Variants in OTX1 observed in about 807,000 individuals in gnomAD.
OTX1 encodes the protein orthodenticle homeobox 1.
A neutral mutation model predicts 26.7 loss-of-function variants in OTX1; 7 were observed. The observed-to-expected ratio is 0.26, with a 90% CI of 0.15 to 0.49. The LOEUF is 0.49. Among genes scored for constraint, OTX1 ranks in the 20% least tolerant of loss-of-function variants. OTX1 has a pLI of 0.98. For synonymous variants in OTX1, 216 were observed against 212.8 expected (o/e 1.01, Z -0.13); for missense variants, 414 against 483.8 (o/e 0.86, Z 1.35).
At chr2:63,053,300 A>C in intron 3 of OTX1, 2 of 437,386 alleles carry the variant, frequency 4.6e-6, no homozygotes, top group East Asian at 3.7e-5. Flanking sequence ...AACGCGCAAT[A>C]TGCGCCTTCC....
upstream of OTX1, chr2:63,049,936 A>C (rs1017674273): frequency 6.6e-6 from 1 of 152,280 alleles, no homozygotes. This position sits in a 1 kb window ranked among gnomAD's most constrained non-coding sequence, Gnocchi z 4.8. Flanking sequence ...GTCTGTGGCC[A>C]CATTTTCCAT....
rs554105654 is a variant in OTX1, at chr2:63,055,465, C to A, written c.250-36C>A. ...GTGGAGCAACAAGCTCCCCTAGCTC[C>A]CTTTGACCCACTCTCCCCCATCCGG... On this transcript the variant is annotated intron_variant, in intron 4 of 4. Transcript: ENST00000282549. The surrounding 1 kb of genome is among the most constrained non-coding windows in gnomAD (Gnocchi z 5.2). 8.7e-5 allele frequency: 138 copies of A among 1,588,210 alleles called. No individual in the cohort carries two copies. In the South Asian group the frequency reaches 1.5e-3, roughly 17 times the overall value.
At chr2:63,054,337 C>T in intron 4 of OTX1, 139 bp downstream of exon 4, 2 of 805,980 alleles carry the variant, frequency 2.5e-6, no homozygotes, top group Non-Finnish European at 3.5e-6. Flanking sequence ...CTCTCGGACT[C>T]CCCCTAGCGC....
At position 63,054,040 on chromosome 2, in the gene OTX1, C is replaced by T. The variant is rs1387337935; in HGVS notation, c.98-7C>T. On this transcript the variant is annotated splice_region_variant and splice_polypyrimidine_tract_variant and intron_variant, in intron 3 of 4. Coordinates refer to ENST00000282549, the MANE Select transcript of OTX1 (RefSeq NM_014562.4). ...ATGACCCGCGGCGCCCCCGCGTGTCCCCGCAGCCACTCCGCGGAAGCAGCG... is the reference window on the plus strand; with the variant it reads ...ATGACCCGCGGCGCCCCCGCGTGTCTCCGCAGCCACTCCGCGGAAGCAGCG... 6.2e-7 allele frequency: 1 copy of T among 1,608,204 alleles called. No individual in the cohort carries two copies. Among genetic ancestry groups the T allele is most frequent in the Admixed American group, 1.7e-5 (1 of 59,470 alleles).
chr2:63,056,594 C>T lies in OTX1; in HGVS notation c.*278C>T, dbSNP rs2153388434. ...GAGATGTATTATTTCCCCCCTTCAG[C>T]CCCTACTAAACTCTTAAGCCTCCCC... On this transcript the variant is annotated 3_prime_UTR_variant, in exon 5 of 5. Transcript: ENST00000282549. 1 of 509,126 alleles carries T rather than the reference C, an allele frequency of 2.0e-6. No individual in the cohort carries two copies. 31.5% of individuals were successfully genotyped at this position (509,126 alleles called of 1,614,324 possible).
chr2:63,052,024 C>T (rs1399080708), intron 2 of OTX1: 3 of 152,612 alleles, frequency 2.0e-5, no homozygotes, highest in East Asian at 3.9e-4. Context: ...TGCTGCCCTC[C>T]GGCTTCACAA....
chr2:63,050,482 G>C (rs942617027), upstream of OTX1, among the ~76,000 whole-genome samples: 10 of 152,276 alleles, frequency 6.6e-5, no homozygotes, highest in African/African-American at 1.2e-4. Context: ...CACTCCCTCC[G>C]GAGCGCCGAG....
chr2:63,053,137 C>T, intron 3 of OTX1, 50 bp downstream of exon 3: 4 of 1,262,840 alleles, frequency 3.2e-6, no homozygotes, highest in Non-Finnish European at 4.3e-6. Flanking sequence ...ATGTTGGGGA[C>T]CCCCAGACTG....
rs2062068038 is a variant in OTX1, at chr2:63,056,353, T to C, written c.*37T>C. 1 of 1,549,394 alleles carries C rather than the reference T, an allele frequency of 6.5e-7. No individual in the cohort carries two copies. The highest frequency in any genetic ancestry group is 8.8e-7 in the Non-Finnish European group (1 of 1,133,558). Reference sequence around the variant, plus strand: ...AAAGAGGAGAAGAAACGCAACTACCTGCGCCCTCCGTGGTCCCGATCCTGT... The same window carrying C: ...AAAGAGGAGAAGAAACGCAACTACCCGCGCCCTCCGTGGTCCCGATCCTGT... On this transcript the variant is annotated 3_prime_UTR_variant, in exon 5 of 5. Coordinates refer to ENST00000282549, the MANE Select transcript of OTX1 (RefSeq NM_014562.4).
At chr2:63,053,322 C>G (rs2062039548) in intron 3 of OTX1, 1 of 438,436 alleles carries the variant, frequency 2.3e-6, no homozygotes, top group African/African-American at 2.1e-5. Flanking sequence ...GGCCGGATCA[C>G]CGGCAACCTT....
At position 63,055,164 on chromosome 2, in the gene OTX1, A is replaced by G. The variant is rs1175971862; in HGVS notation, c.250-337A>G. Among the ~76,000 whole-genome samples the G allele has an allele frequency of 6.6e-6, 1 of 152,248 alleles. No individual in the cohort carries two copies. Among genetic ancestry groups the G allele is most frequent in the African/African-American group, 2.4e-5 (1 of 41,464 alleles). On this transcript the variant is annotated intron_variant, in intron 4 of 4. Coordinates refer to ENST00000282549, the MANE Select transcript of OTX1 (RefSeq NM_014562.4). The surrounding 1 kb of genome is among the most constrained non-coding windows in gnomAD (Gnocchi z 5.2). ...CACGGGGCCTCCAAACATACACGGA[A>G]GCAGCCAACAGCAGCAATTTAGAGA...
intron 2 of OTX1, 126 bp from the exon 3 acceptor site, chr2:63,052,749 CTAAGG>C: frequency 2.0e-6 from 1 of 500,690 alleles, no homozygotes; most frequent in Middle Eastern, 5.1e-4. Context: ...GGTTTCTGGG[CTAAGG>C]CCTTGTGGAT....
chr2:63,055,940 G>C lies in OTX1; in HGVS notation c.689G>C (p.Ser230Thr). Residue 230 changes from serine to threonine, a missense_variant, in exon 5 of 5, where the codon AGC (serine) becomes ACC (threonine). Around this residue, in one of 3 missense-constraint regions of OTX1, gnomAD observed 320 missense variants for 347.9 expected, o/e 0.92. Transcript: ENST00000282549. This position sits in a 1 kb window ranked among gnomAD's most constrained non-coding sequence, Gnocchi z 5.2. ...CCCATGTCCTACGGCCAGGGCGGCAGCTACGGCCAAGGCTACCCTACGCCC... is the reference window on the plus strand; with the variant it reads ...CCCATGTCCTACGGCCAGGGCGGCACCTACGGCCAAGGCTACCCTACGCCC... Reference protein sequence around the residue: ...SYPMSYGQGGSYGQGYPTPSS... With the variant: ...SYPMSYGQGGTYGQGYPTPSS... The C allele has an allele frequency of 6.2e-7, 1 of 1,612,936 alleles. No homozygotes were observed. Among genetic ancestry groups the C allele is most frequent in the Non-Finnish European group, 8.5e-7 (1 of 1,180,036 alleles).
rs2062075845 is a variant in OTX1 at position 63,057,321 on chromosome 2, T to C, written c.*1005T>C. On this transcript the variant is annotated 3_prime_UTR_variant, in exon 5 of 5. Transcript: ENST00000282549. Reference sequence around the variant, plus strand: ...TATTTATTGAAGAGAACCGCTTGGTTTCAGGAAGCTGGGCGCGGGATATCC... The same window carrying C: ...TATTTATTGAAGAGAACCGCTTGGTCTCAGGAAGCTGGGCGCGGGATATCC... 6.6e-6 allele frequency: 1 copy of C among 152,162 alleles called. No homozygotes were observed. Among genetic ancestry groups the C allele is most frequent in the Non-Finnish European group, 1.5e-5 (1 of 68,088 alleles). The allele number at this position is 152,162 out of a possible 1,614,324, so 9.4% of individuals were successfully genotyped here.
chr2:63,055,544 A>G lies in OTX1; in HGVS notation c.293A>G (p.Gln98Arg). The G allele has an allele frequency of 6.2e-7, 1 of 1,614,108 alleles. No individual in the cohort carries two copies. Among genetic ancestry groups the G allele is most frequent in the Non-Finnish European group, 8.5e-7 (1 of 1,179,996 alleles). ...CGCGCCAAATGCCGCCAGCAGCAGC[A>G]GAGCGGGAGCGGAACCAAGAGCCGC... ...NRRAKCRQQQ[Q>R]SGSGTKSRPA... is the part of the protein sequence containing the mutation. The change falls in exon 5 of 5, where the codon CAG becomes CGG. Residue 98 changes from glutamine (Q) to arginine (R), a missense_variant. Physicochemically the swap from Gln to Arg is conservative, Grantham distance 43 (BLOSUM62 1). Around this residue, in one of 3 missense-constraint regions of OTX1, gnomAD observed 320 missense variants for 347.9 expected, o/e 0.92. Coordinates refer to ENST00000282549, the MANE Select transcript of OTX1 (RefSeq NM_014562.4). This position sits in a 1 kb window ranked among gnomAD's most constrained non-coding sequence, Gnocchi z 5.2.
In OTX1 at chr2:63,055,976, A is replaced by G; in HGVS notation, c.725A>G (p.Tyr242Cys). 1 of 1,613,444 alleles carries G rather than the reference A, an allele frequency of 6.2e-7. No homozygotes were observed. The highest frequency in any genetic ancestry group is 8.5e-7 in the Non-Finnish European group (1 of 1,179,974). Residue 242 changes from tyrosine to cysteine, a missense_variant, in exon 5 of 5, where the codon TAC becomes TGC. Physicochemically the swap from Tyr to Cys is radical, Grantham distance 194. Coordinates refer to ENST00000282549, the MANE Select transcript of OTX1 (RefSeq NM_014562.4). The surrounding 1 kb of genome is among the most constrained non-coding windows in gnomAD (Gnocchi z 5.2). ...GQGYPTPSSS[Y>C]FGGVDCSSYL... ...GGCTACCCTACGCCCTCCTCTTCCT[A>G]CTTTGGCGGCGTGGACTGCAGCTCA... is the stretch of plus-strand genomic sequence containing the variant.
chr2:63,053,008 A>G lies in OTX1; in HGVS notation c.18A>G (p.Lys6=). The G allele has an allele frequency of 6.2e-7, 1 of 1,610,446 alleles. No homozygotes were observed. The highest frequency in any genetic ancestry group is 8.5e-7 in the Non-Finnish European group (1 of 1,178,724). MMSYL[K]QPPYGMNGLG... ...CTGTTAGCATGATGTCTTACCTCAA[A>G]CAACCCCCATACGGCATGAACGGGC... is the stretch of plus-strand genomic sequence containing the variant. Residue 6 remains lysine (K), a synonymous_variant, in exon 3 of 5, where the codon AAA becomes AAG. Transcript: ENST00000282549.
intron 3 of OTX1, 95 bp from the exon 4 acceptor site, chr2:63,053,952 G>C: frequency 7.1e-7 from 1 of 1,413,444 alleles, no homozygotes; most frequent in South Asian, 1.4e-5. Context: ...TTTTGCGAAG[G>C]CCGAGATCTG....
Position 63,054,151 on chromosome 2 carries a change from C to A in OTX1, c.202C>A (p.Arg68=). Residue 68 remains arginine (R), a synonymous_variant, in exon 4 of 5, where the codon CGG becomes AGG. Coordinates refer to ENST00000282549, the MANE Select transcript of OTX1 (RefSeq NM_014562.4). ...GACTCGCTACCCTGACATCTTCATG[C>A]GGGAGGAGGTGGCGCTCAAGATCAA... ...AKTRYPDIFM[R]EEVALKINLP... The A allele has an allele frequency of 3.1e-6, 5 of 1,610,434 alleles. No individual in the cohort carries two copies. Among genetic ancestry groups the A allele is most frequent in the Non-Finnish European group, 2.5e-6 (3 of 1,178,158 alleles).
Sources: gnomAD v4.1 joint callset for allele counts (sites outside exome capture counted in the v4.1 genomes callset) on GRCh38, gnomAD v4.1.1 for gene constraint, gnomAD v4.1.1 regional missense constraint, Gnocchi (gnomAD v3.1) non-coding constraint, MANE v1.5 for transcripts, NCBI Gene and HGNC (gene_info 2026-07-23, HGNC 2026-07-21) for gene names.